The following HMGCLL1 variants were observed in gnomAD, a reference collection of about 807,000 sequenced individuals.
HMGCLL1 encodes the protein 3-hydroxymethyl-3-methylglutaryl-CoA lyase, cytoplasmic.
HMGCLL1 carries 36 observed loss-of-function variants against 39.1 expected under a neutral mutation model. That is an observed-to-expected ratio of 0.92 (90% CI 0.71 to 1.22). HMGCLL1 has a LOEUF of 1.22. Ranked by LOEUF, HMGCLL1 falls within the 50% of genes most tolerant of loss-of-function variation. The pLI, the probability that HMGCLL1 is intolerant of heterozygous loss-of-function variation, is 0.00. For missense variants in HMGCLL1, 451 were observed against 416.5 expected, an observed-to-expected ratio of 1.08 and a Z score of -0.72; for synonymous variants, 149 against 144.0, an observed-to-expected ratio of 1.03 and a Z score of -0.25.
At chr6:55,581,871 A>C (rs1471667109), upstream of HMGCLL1, among the ~76,000 whole-genome samples, 1 of 151,904 alleles carries the variant, frequency 6.6e-6, no homozygotes, top group Non-Finnish European at 1.5e-5. Context: ...CCTCAAATTA[A>C]AGTAAATTTT....
intron 7 of HMGCLL1, among the ~76,000 whole-genome samples, chr6:55,492,097 A>G (rs1480132048): frequency 6.6e-6 from 1 of 152,104 alleles, no homozygotes; most frequent in East Asian, 1.9e-4. Context: ...CCTTAATATT[A>G]ACTTCCAGTC....
At chr6:55,484,503 G>A (rs970573788) in intron 7 of HMGCLL1, among the ~76,000 whole-genome samples, 4 of 151,862 alleles carry the variant, frequency 2.6e-5, no homozygotes, top group African/African-American at 9.7e-5. Flanking sequence ...GCTCCATCTA[G>A]ATGTGTAGCA....
At chr6:55,620,217 G>C in the HMGCLL1 span, among the ~76,000 whole-genome samples, 1 of 152,044 alleles carries the variant, frequency 6.6e-6, no homozygotes, top group Non-Finnish European at 1.5e-5. Context: ...CCTATCAGTG[G>C]AATTGCTGGA....
In HMGCLL1 at chr6:55,513,396, C is replaced by T. The variant is rs1767566115; in HGVS notation, c.542+652G>A. ...AAAGGGATTGATATCTCTGATACTC[C>T]TAAATTTATAGAAATCACATATAAT... On this transcript the variant is annotated intron_variant, in intron 5 of 8. Transcript: ENST00000274901. 2 of 151,988 alleles carry T rather than the reference C, an allele frequency of 1.3e-5. 1 individual carries two copies. The highest frequency in any genetic ancestry group is 4.1e-4 in the South Asian group (2 of 4,820). 9.4% of individuals were successfully genotyped at this position (151,988 alleles called of 1,614,324 possible).
chr6:55,635,173 C>T, the HMGCLL1 span, among the ~76,000 whole-genome samples: 1 of 151,932 alleles, frequency 6.6e-6, no homozygotes, highest in Admixed American at 6.6e-5. Flanking sequence ...AATCATATGC[C>T]CATGACAACA....
At position 55,495,540 on chromosome 6, in the gene HMGCLL1, G is replaced by A. The variant is rs776982296; in HGVS notation, c.674C>T (p.Thr225Ile). ...CAACATTCTTTTCATACTTCCTGGA[G>A]TTCCCACTCCAATTGTGTCTCCTAG... ...ISLGDTIGVG[T>I]PGSMKRMLES... The change falls in exon 7 of 9, where the codon ACT becomes ATT. Residue 225 changes from threonine (T) to isoleucine (I), a missense_variant. Physicochemically the swap from Thr to Ile is moderately conservative, Grantham distance 89. Transcript: ENST00000274901. The A allele has an allele frequency of 1.2e-6, 2 of 1,613,762 alleles. No homozygotes were observed. The highest frequency in any genetic ancestry group is 1.3e-5 in the African/African-American group (1 of 75,000).
the HMGCLL1 span, among the ~76,000 whole-genome samples, chr6:55,589,707 C>G: frequency 6.6e-6 from 1 of 152,144 alleles, no homozygotes; most frequent in Non-Finnish European, 1.5e-5. Flanking sequence ...AGCAAAGTCT[C>G]AGGATACAAA....
chr6:55,574,462 T>C (rs1391134346), intron 1 of HMGCLL1, among the ~76,000 whole-genome samples: 1 of 151,908 alleles, frequency 6.6e-6, no homozygotes, highest in East Asian at 1.9e-4. Context: ...TAATATATTA[T>C]TTTAATAAGC....
chr6:55,639,209 T>C, the HMGCLL1 span, among the ~76,000 whole-genome samples: 1 of 152,054 alleles, frequency 6.6e-6, no homozygotes, highest in African/African-American at 2.4e-5. Context: ...TGTTAGCTAC[T>C]ATTATTATTC....
At chr6:55,460,396 A>T (rs111273178) in intron 7 of HMGCLL1, among the ~76,000 whole-genome samples, 6 of 151,990 alleles carry the variant, frequency 3.9e-5, no homozygotes, top group Admixed American at 3.3e-4. Flanking sequence ...ATTACTAGAG[A>T]CAAATGACAG....
At chr6:55,634,051 T>C in the HMGCLL1 span, among the ~76,000 whole-genome samples, 1 of 151,176 alleles carries the variant, frequency 6.6e-6, no homozygotes, top group Non-Finnish European at 1.5e-5. Flanking sequence ...TGACATCACT[T>C]TTTTTTTAAC....
At chr6:55,648,825 C>T in the HMGCLL1 span, among the ~76,000 whole-genome samples, 1 of 117,856 alleles carries the variant, frequency 8.5e-6, no homozygotes, top group East Asian at 2.4e-4. Context: ...GAAACTATTC[C>T]AATCAATAGA....
At chr6:55,521,110 A>G (rs1768015842) in intron 3 of HMGCLL1, among the ~76,000 whole-genome samples, 2 of 152,120 alleles carry the variant, frequency 1.3e-5, no homozygotes, top group African/African-American at 2.4e-5. Context: ...ATATCCTATC[A>G]TGTTGTAATT....
the HMGCLL1 span, among the ~76,000 whole-genome samples, chr6:55,626,140 T>C: frequency 6.6e-6 from 1 of 152,248 alleles, no homozygotes; most frequent in East Asian, 1.9e-4. Flanking sequence ...ATCAGCCAGC[T>C]ACCTGATGGC....
chr6:55,599,381 T>A, the HMGCLL1 span, among the ~76,000 whole-genome samples: 8 of 152,328 alleles, frequency 5.3e-5, no homozygotes, highest in African/African-American at 1.9e-4. Context: ...TCCAGCTATA[T>A]CTGCAACTAG....
At chr6:55,595,864 G>A in the HMGCLL1 span, among the ~76,000 whole-genome samples, 3 of 152,278 alleles carry the variant, frequency 2.0e-5, no homozygotes, top group South Asian at 6.2e-4. Context: ...GTTAAACGCT[G>A]CAGCATGATA....
At chr6:55,464,734 C>A (rs1040679197) in intron 7 of HMGCLL1, among the ~76,000 whole-genome samples, 1 of 152,084 alleles carries the variant, frequency 6.6e-6, no homozygotes, top group Non-Finnish European at 1.5e-5. Flanking sequence ...TTTGGAATTA[C>A]GTGTTTGCTA....
chr6:55,671,277 T>A, the HMGCLL1 span, among the ~76,000 whole-genome samples: 1 of 151,776 alleles, frequency 6.6e-6, no homozygotes, highest in African/African-American at 2.4e-5. Context: ...CTGGTGGGAT[T>A]AGTTGGAGAG....
At chr6:55,491,633 A>G (rs1328472685) in intron 7 of HMGCLL1, among the ~76,000 whole-genome samples, 2 of 152,172 alleles carry the variant, frequency 1.3e-5, no homozygotes, top group South Asian at 4.1e-4. Context: ...AGGCTGAGAA[A>G]TTAATTAAAC....
Sources: gnomAD v4.1 joint callset for allele counts (sites outside exome capture counted in the v4.1 genomes callset) on GRCh38, gnomAD v4.1.1 for gene constraint, MANE v1.5 for transcripts, NCBI Gene and HGNC (gene_info 2026-07-23, HGNC 2026-07-21) for gene names.